SGPL1: variants seen among roughly 807,000 people sequenced by gnomAD.
The protein encoded by SGPL1 is sphingosine-1-phosphate lyase 1.
Under a neutral mutation model 68.9 loss-of-function variants are expected in SGPL1, and 37 were observed. The ratio of observed to expected loss-of-function variants is 0.54; its 90% CI spans 0.41 to 0.71. The LOEUF is 0.71. Ranked by LOEUF, SGPL1 falls within the 30% of genes least tolerant of loss-of-function variation. The pLI is 0.00. For missense variants in SGPL1, 551 were observed against 704.6 expected (o/e 0.78, Z 2.47); for synonymous variants, 236 against 248.5 (o/e 0.95, Z 0.47).
At chr10:70,849,346 A>G (rs896490776) in intron 3 of SGPL1, among the ~76,000 whole-genome samples, 2 of 152,272 alleles carry the variant, frequency 1.3e-5, no homozygotes, top group Non-Finnish European at 2.9e-5. Flanking sequence ...ATGTTTAGAA[A>G]GAATTGTTAA....
chr10:70,823,245 TTCC>T (rs1845373961), intron 2 of SGPL1, among the ~76,000 whole-genome samples: 1 of 151,112 alleles, frequency 6.6e-6, no homozygotes, highest in African/African-American at 2.4e-5. Flanking sequence ...GTACAAAATA[TTCC>T]CTGTAGCCAG....
chr10:70,873,621 C>G (rs760648915), intron 12 of SGPL1, 32 bp downstream of exon 12: 13 of 1,538,454 alleles, frequency 8.5e-6, no homozygotes, highest in Non-Finnish European at 1.2e-5. Flanking sequence ...TCTGCCTTGT[C>G]TATTGCTTTT....
At chr10:70,871,373 A>G (rs1846292747) in intron 10 of SGPL1, among the ~76,000 whole-genome samples, 1 of 152,180 alleles carries the variant, frequency 6.6e-6, no homozygotes, top group Admixed American at 6.5e-5. Flanking sequence ...GGCCTTTTAA[A>G]CTGGAAATTC....
At chr10:70,857,852 A>G (rs1011853181) in intron 6 of SGPL1, among the ~76,000 whole-genome samples, 162 bp downstream of exon 6, 2 of 152,266 alleles carry the variant, frequency 1.3e-5, no homozygotes, top group South Asian at 2.1e-4. Context: ...GCGAATATGT[A>G]TAATATTATC....
At chr10:70,869,985 G>A in intron 9 of SGPL1, 88 bp downstream of exon 9, 1 of 986,554 alleles carries the variant, frequency 1.0e-6, no homozygotes, top group Non-Finnish European at 1.6e-6. Context: ...AGTCAGATGG[G>A]TCTGACTGCC....
chr10:70,853,660 G>T (rs150696258), intron 4 of SGPL1, among the ~76,000 whole-genome samples: 7 of 152,244 alleles, frequency 4.6e-5, no homozygotes, highest in African/African-American at 9.6e-5. Flanking sequence ...TTGTGAATAT[G>T]CAGTGAATAT....
At chr10:70,875,958 A>T (rs1160189794) in intron 13 of SGPL1, among the ~76,000 whole-genome samples, 2 of 152,180 alleles carry the variant, frequency 1.3e-5, no homozygotes, top group Non-Finnish European at 2.9e-5. Context: ...TTTCTAACCT[A>T]ATCTTCCATG....
In SGPL1 at chr10:70,877,667, T is replaced by G. The variant is rs1178898738; in HGVS notation, c.*332T>G. ...TGTGGTAGCTCTGACCTGTCCTGAT[T>G]CTTTAGAGAAGCTGGGGTACAGTTT... On this transcript the variant is annotated 3_prime_UTR_variant, in exon 15 of 15. Transcript: ENST00000373202. 2 of 228,958 alleles carry G rather than the reference T, an allele frequency of 8.7e-6. No homozygotes were observed. Among genetic ancestry groups the G allele is most frequent in the Non-Finnish European group, 1.7e-5 (2 of 114,888 alleles). 14.2% of individuals were successfully genotyped at this position (228,958 alleles called of 1,614,324 possible).
At chr10:70,835,079 G>C (rs1410639249) in intron 2 of SGPL1, among the ~76,000 whole-genome samples, 1 of 152,168 alleles carries the variant, frequency 6.6e-6, no homozygotes, top group Non-Finnish European at 1.5e-5. Flanking sequence ...AAATAGGAGA[G>C]ATGTGGGAGA....
chr10:70,830,946 A>C (rs951130700), intron 2 of SGPL1, among the ~76,000 whole-genome samples: 3 of 152,198 alleles, frequency 2.0e-5, no homozygotes, highest in African/African-American at 7.2e-5. Context: ...GAGGTCCAAA[A>C]AGCTGCTCAT....
chr10:70,824,093 C>T (rs1014085159), intron 2 of SGPL1, among the ~76,000 whole-genome samples: 10 of 152,188 alleles, frequency 6.6e-5, no homozygotes, highest in African/African-American at 2.4e-4. Context: ...AGAATCTGTT[C>T]CTATCAAAAG....
chr10:70,867,371 T>C (rs992765568), intron 7 of SGPL1, among the ~76,000 whole-genome samples: 3 of 152,146 alleles, frequency 2.0e-5, no homozygotes, highest in Non-Finnish European at 4.4e-5. Flanking sequence ...GAGACCAGCC[T>C]GGCCAACATG....
chr10:70,871,796 A>G (rs1348210953), intron 10 of SGPL1, 41 bp from the exon 11 acceptor site: 10 of 1,600,486 alleles, frequency 6.2e-6, no homozygotes, highest in Non-Finnish European at 8.5e-6. Context: ...TTATAGGGCT[A>G]TAAAGGAAAT....
rs546425563 is a variant in SGPL1 at position 70,862,089 on chromosome 10, G to A, written c.615+2590G>A. On this transcript the variant is annotated intron_variant, in intron 7 of 14. Transcript: ENST00000373202. ...GCAGGCAGCTCCACCCGCAGCCCCG[G>A]TGCGGGATCCACTGGGTGAAGCCAG... Among the ~76,000 whole-genome samples the A allele has an allele frequency of 1.4e-4, 22 of 152,362 alleles. 1 individual carries two copies. The East Asian group carries it at 4.3e-3, about 29-fold the overall frequency.
intron 3 of SGPL1, 133 bp downstream of exon 3, chr10:70,844,771 C>CAAAAA: frequency 1.2e-6 from 1 of 820,462 alleles, no homozygotes; most frequent in Non-Finnish European, 1.9e-6. Flanking sequence ...GACGGAGTCT[C>CAAAAA]CATCTGTTGC....
In SGPL1 at chr10:70,880,055, TA is replaced by T. The variant is rs1257357490; in HGVS notation, c.*2722del. 6.5e-6 allele frequency: 1 copy of T among 152,678 alleles called. No individual in the cohort carries two copies. The highest frequency in any genetic ancestry group is 1.5e-5 in the Non-Finnish European group (1 of 68,050). The allele number at this position is 152,678 out of a possible 1,614,324, so 9.5% of individuals were successfully genotyped here. On this transcript the variant is annotated 3_prime_UTR_variant, in exon 15 of 15. Transcript: ENST00000373202. ...CCTTCCCATTTCAATGCTCCCTTCC[TA>T]ATTTCAGCAATAATCTCAAAAAGCA...
intron 2 of SGPL1, among the ~76,000 whole-genome samples, chr10:70,839,706 G>C (rs1845686596): frequency 1.3e-5 from 2 of 152,082 alleles, no homozygotes; most frequent in African/African-American, 4.8e-5. Flanking sequence ...TATATATTCA[G>C]AGATATATAG....
chr10:70,838,816 T>G (rs1845670295), intron 2 of SGPL1, among the ~76,000 whole-genome samples: 2 of 152,216 alleles, frequency 1.3e-5, no homozygotes, highest in Non-Finnish European at 2.9e-5. Context: ...TTGGAAACTT[T>G]TGGTTTTATA....
At chr10:70,863,075 C>G (rs921612752) in intron 7 of SGPL1, among the ~76,000 whole-genome samples, 5 of 152,158 alleles carry the variant, frequency 3.3e-5, no homozygotes, top group Non-Finnish European at 4.4e-5. Flanking sequence ...GCCTTGACCT[C>G]TCTGGGCTCA....
Sources: gnomAD v4.1 joint callset for allele counts (sites outside exome capture counted in the v4.1 genomes callset) on GRCh38, gnomAD v4.1.1 for gene constraint, MANE v1.5 for transcripts, NCBI Gene and HGNC (gene_info 2026-07-23, HGNC 2026-07-21) for gene names.